The following PRXL2A variants were observed in gnomAD, a reference collection of about 807,000 sequenced individuals.
PRXL2A encodes the protein peroxiredoxin-like 2A.
In PRXL2A, 26 loss-of-function variants were observed where a neutral mutation model predicts 25.6. The ratio of observed to expected loss-of-function variants is 1.02; its 90% CI spans 0.74 to 1.41. PRXL2A has a LOEUF of 1.41. Among genes scored for constraint, PRXL2A ranks in the 40% most tolerant of loss-of-function variants. The pLI is 0.00. For synonymous variants in PRXL2A, 98 were observed against 102.9 expected, an observed-to-expected ratio of 0.95 and a Z score of 0.29; for missense variants, 246 against 273.9, an observed-to-expected ratio of 0.90 and a Z score of 0.72.
At chr10:80,427,547 G>A (rs1485899098) in intron 5 of PRXL2A, 51 bp downstream of exon 5, 1 of 1,585,726 alleles carries the variant, frequency 6.3e-7, no homozygotes, top group African/African-American at 1.3e-5. Context: ...GTCTGTGAGT[G>A]TGAGACTCCA....
intron 5 of PRXL2A, among the ~76,000 whole-genome samples, chr10:80,429,435 T>A (rs1324426827): frequency 6.6e-6 from 1 of 152,146 alleles, no homozygotes; most frequent in Non-Finnish European, 1.5e-5. Context: ...CCTAGAGATT[T>A]AAAATAACTC....
In PRXL2A at chr10:80,436,258, G is replaced by A. The variant is rs1431722485; in HGVS notation, c.*4159G>A. 6.6e-6 allele frequency: 1 copy of A among 152,000 alleles called. No homozygotes were observed. Among genetic ancestry groups the A allele is most frequent in the Non-Finnish European group, 1.5e-5 (1 of 68,064 alleles). 9.4% of individuals were successfully genotyped at this position (152,000 alleles called of 1,614,324 possible). On this transcript the variant is annotated 3_prime_UTR_variant, in exon 6 of 6. Coordinates refer to ENST00000606162, the MANE Select transcript of PRXL2A (RefSeq NM_032333.5). ...GCCTCCCTAGTAGCTGGGACTACAGGCGTGGACTACCACACCCAACAAATT... is the reference window on the plus strand; with the variant it reads ...GCCTCCCTAGTAGCTGGGACTACAGACGTGGACTACCACACCCAACAAATT...
In PRXL2A at chr10:80,423,760, A is replaced by G. The variant is rs949297721; in HGVS notation, c.270+1252A>G. 2.2e-4 allele frequency among the ~76,000 whole-genome samples: 33 copies of G among 152,306 alleles called. 1 individual carries two copies. The highest frequency in any genetic ancestry group is 9.2e-4 in the Admixed American group (14 of 15,298). On this transcript the variant is annotated intron_variant, in intron 3 of 5. Transcript: ENST00000606162. Reference sequence around the variant, plus strand: ...TAACAAAGCCACCCGGATCGGGGAGATGTATTAATTTTCTGTTGCTGTAAC... The same window carrying G: ...TAACAAAGCCACCCGGATCGGGGAGGTGTATTAATTTTCTGTTGCTGTAAC...
intron 1 of PRXL2A, among the ~76,000 whole-genome samples, chr10:80,413,154 A>G (rs1357693811): frequency 2.2e-5 from 1 of 45,864 alleles, no homozygotes; most frequent in South Asian, 7.7e-4. Flanking sequence ...CTGCCCCCCC[A>G]TCTACTGAGC....
chr10:80,408,780 C>G (rs930466035), intron 1 of PRXL2A, 137 bp downstream of exon 1: 4 of 152,426 alleles, frequency 2.6e-5, no homozygotes, highest in African/African-American at 9.6e-5. Flanking sequence ...CCCTCGGGCC[C>G]GCGCCAACTT....
chr10:80,420,858 C>T (rs1187395249), intron 2 of PRXL2A, among the ~76,000 whole-genome samples: 1 of 152,120 alleles, frequency 6.6e-6, no homozygotes, highest in East Asian at 1.9e-4. Flanking sequence ...GTACATATTA[C>T]GTAGTTGTGC....
At chr10:80,428,223 G>A (rs1386042078) in intron 5 of PRXL2A, among the ~76,000 whole-genome samples, 2 of 152,150 alleles carry the variant, frequency 1.3e-5, no homozygotes, top group African/African-American at 2.4e-5. Flanking sequence ...GTGGAAAGGA[G>A]GAATGGGGTC....
chr10:80,412,989 A>G (rs1372681818), intron 1 of PRXL2A, among the ~76,000 whole-genome samples: 3 of 152,150 alleles, frequency 2.0e-5, no homozygotes, highest in Non-Finnish European at 4.4e-5. Flanking sequence ...GGACAGAGTT[A>G]TAGGATCCTG....
Position 80,435,903 on chromosome 10 carries a change from A to G in PRXL2A, c.*3804A>G, listed in dbSNP as rs1047113477. 2 of 152,190 alleles carry G rather than the reference A, an allele frequency of 1.3e-5. No individual in the cohort carries two copies. Among genetic ancestry groups the G allele is most frequent in the African/African-American group, 4.8e-5 (2 of 41,440 alleles). The allele number at this position is 152,190 out of a possible 1,614,324, so 9.4% of individuals were successfully genotyped here. On this transcript the variant is annotated 3_prime_UTR_variant, in exon 6 of 6. Transcript: ENST00000606162. ...GAAGTTTCAGCAGCCTTTGACAAGCATTTGCAGGTTTCCTTTTTATTTATT... is the reference window on the plus strand; with the variant it reads ...GAAGTTTCAGCAGCCTTTGACAAGCGTTTGCAGGTTTCCTTTTTATTTATT...
Position 80,432,003 on chromosome 10 carries a change from C to T in PRXL2A, c.594C>T (p.His198=), listed in dbSNP as rs1564696696. 3 of 1,610,584 alleles carry T rather than the reference C, an allele frequency of 1.9e-6. No individual in the cohort carries two copies. The highest frequency in any genetic ancestry group is 2.5e-6 in the Non-Finnish European group (3 of 1,178,562). Residue 198 remains histidine, a synonymous_variant, in exon 6 of 6, where the codon CAC becomes CAT. Coordinates refer to ENST00000606162, the MANE Select transcript of PRXL2A (RefSeq NM_032333.5). ...CCTTTTAGGGCATTCTTCTTGAGCA[C>T]CGAGAAAAAGAATTTGGAGACAAAG... is the stretch of plus-strand genomic sequence containing the variant. ...GSGKQGILLE[H]REKEFGDKVN...
intron 1 of PRXL2A, chr10:80,409,008 A>C: frequency 1.0e-6 from 1 of 985,040 alleles, no homozygotes; most frequent in Non-Finnish European, 1.2e-6. Context: ...GACAAAGAAC[A>C]GAGGAGAGGG....
intron 2 of PRXL2A, among the ~76,000 whole-genome samples, chr10:80,421,990 C>T (rs1027429068): frequency 6.6e-6 from 1 of 152,226 alleles, no homozygotes; most frequent in African/African-American, 2.4e-5. Flanking sequence ...CTTCTATCCT[C>T]TCCTTCGTTA....
chr10:80,407,852 T>TG (rs1302938891), upstream of PRXL2A: 1 of 152,286 alleles, frequency 6.6e-6, no homozygotes, highest in Non-Finnish European at 1.5e-5. Flanking sequence ...CTTGAACTCC[T>TG]GGGCTCAAGC....
chr10:80,421,698 G>C (rs952928760), intron 2 of PRXL2A, among the ~76,000 whole-genome samples: 1 of 151,780 alleles, frequency 6.6e-6, no homozygotes, highest in African/African-American at 2.4e-5. Context: ...GATCCCTCTG[G>C]GAAATACTAA....
At chr10:80,431,345 T>A (rs1248064684) in intron 5 of PRXL2A, among the ~76,000 whole-genome samples, 1 of 152,082 alleles carries the variant, frequency 6.6e-6, no homozygotes, top group Non-Finnish European at 1.5e-5. Context: ...TTACAGATTT[T>A]CTTTTTAAGA....
intron 2 of PRXL2A, 24 bp downstream of exon 2, chr10:80,420,669 C>T: frequency 6.6e-7 from 1 of 1,509,780 alleles, no homozygotes. Context: ...CTTCAGGTCT[C>T]AGTACTTTTC....
At chr10:80,430,501 G>A (rs575794333) in intron 5 of PRXL2A, among the ~76,000 whole-genome samples, 1 of 152,266 alleles carries the variant, frequency 6.6e-6, no homozygotes, top group Admixed American at 6.5e-5. Context: ...AAAAAGTTTA[G>A]CCGGCGTGGT....
rs368132195 is a variant in PRXL2A, at chr10:80,429,003, G to A, written c.576+1507G>A. 7.2e-5 allele frequency among the ~76,000 whole-genome samples: 11 copies of A among 152,096 alleles called. No individual in the cohort carries two copies. The South Asian group carries it at 1.9e-3, about 26-fold the overall frequency. On this transcript the variant is annotated intron_variant, in intron 5 of 5. Transcript: ENST00000606162. The stretch of plus-strand genomic sequence containing the variant: ...TGCAAGCTCCACCTCCTGGGTTCAC[G>A]CCATTCTCCTGCCTCAGCCTCCTGA...
intron 3 of PRXL2A, 98 bp downstream of exon 3, chr10:80,422,606 C>CT (rs1844910013): frequency 1.2e-6 from 1 of 805,788 alleles, no homozygotes; most frequent in East Asian, 2.6e-5. Context: ...CAGCTTTAGC[C>CT]TTTTACCCAC....
Sources: allele counts gnomAD v4.1 joint callset (sites outside exome capture counted in the v4.1 genomes callset), GRCh38; gene constraint gnomAD v4.1.1; transcripts MANE v1.5; gene names NCBI Gene and HGNC (gene_info 2026-07-23, HGNC 2026-07-21).